ACADS: variants seen among roughly 807,000 people sequenced by gnomAD.
ACADS encodes the protein short-chain specific acyl-CoA dehydrogenase, mitochondrial.
A neutral mutation model predicts 46.8 loss-of-function variants in ACADS; 28 were observed. That is an observed-to-expected ratio of 0.60 (90% CI 0.44 to 0.82). The LOEUF (loss-of-function observed/expected upper bound fraction) is 0.82, where lower values mean the gene tolerates loss of function less well. Ranked by LOEUF, ACADS falls within the 40% of genes least tolerant of loss-of-function variation. The pLI is 0.00. For missense variants in ACADS, 528 were observed against 578.0 expected, an observed-to-expected ratio of 0.91 and a Z score of 0.89; for synonymous variants, 236 against 237.7, an observed-to-expected ratio of 0.99 and a Z score of 0.07.
chr12:120,737,171 G>T, intron 3 of ACADS, 36 bp downstream of exon 3: 1 of 1,558,114 alleles, frequency 6.4e-7, no homozygotes, highest in East Asian at 2.4e-5. Flanking sequence ...ACACACGGGT[G>T]GAGGGAGGCT....
rs1373044759 is a variant in ACADS, at chr12:120,738,843, GGCCCTGGAGAGT to G, written c.962_973del (p.Leu321_Ala324del). 3 of 1,613,560 alleles carry G rather than the reference GGCCCTGGAGAGT, an allele frequency of 1.9e-6. No homozygotes were observed. The highest frequency in any genetic ancestry group is 2.5e-6 in the Non-Finnish European group (3 of 1,179,776). On this transcript the variant is annotated inframe_deletion, in exon 8 of 10. Coordinates refer to ENST00000242592, the MANE Select transcript of ACADS (RefSeq NM_000017.4). ...AGTTCAAGTTGGCAGACATGGCCCT[GGCCCTGGAGAGT>G]GCCCGGCTGCTGACCTGGCGCGCTG...
At position 120,728,005 on chromosome 12, in the gene ACADS, T is replaced by C. The variant is rs953098816; in HGVS notation, c.210+816T>C. Among the ~76,000 whole-genome samples the C allele has an allele frequency of 6.6e-6, 1 of 152,094 alleles. No individual in the cohort carries two copies. The highest frequency in any genetic ancestry group is 1.9e-4 in the East Asian group (1 of 5,178). ...CTCTGTTGCCCAGGCTGGAGGGCAG[T>C]GGCGCAATCTCAACGCACTGCACCC... On this transcript the variant is annotated intron_variant, in intron 2 of 9. Coordinates refer to ENST00000242592, the MANE Select transcript of ACADS (RefSeq NM_000017.4). The surrounding 1 kb of genome is among the most constrained non-coding windows in gnomAD (Gnocchi z 4.0).
chr12:120,728,007 G>A lies in ACADS; in HGVS notation c.210+818G>A, dbSNP rs1883139449. The stretch of plus-strand genomic sequence containing the variant: ...CTGTTGCCCAGGCTGGAGGGCAGTG[G>A]CGCAATCTCAACGCACTGCACCCCT... On this transcript the variant is annotated intron_variant, in intron 2 of 9. Coordinates refer to ENST00000242592, the MANE Select transcript of ACADS (RefSeq NM_000017.4). The surrounding 1 kb of genome is among the most constrained non-coding windows in gnomAD (Gnocchi z 4.0). Among the ~76,000 whole-genome samples, 4 of 151,994 alleles carry A rather than the reference G, an allele frequency of 2.6e-5. No individual in the cohort carries two copies. The highest frequency in any genetic ancestry group is 6.6e-5 in the Admixed American group (1 of 15,260).
intron 2 of ACADS, among the ~76,000 whole-genome samples, chr12:120,735,069 C>T (rs919996484): frequency 6.9e-6 from 1 of 145,634 alleles, no homozygotes; most frequent in African/African-American, 2.6e-5. Context: ...GTCAGAAGTT[C>T]GAGAACAGCC....
rs1316691588 is a variant in ACADS, at chr12:120,739,709, G to T, written c.*261G>T. Reference sequence around the variant, plus strand: ...CCTGGCCTCCTGGGGGCGGGGTTGTGGGGGGGCTGAGCGACACTCAGGGAC... The same window carrying T: ...CCTGGCCTCCTGGGGGCGGGGTTGTTGGGGGGCTGAGCGACACTCAGGGAC... On this transcript the variant is annotated 3_prime_UTR_variant, in exon 10 of 10. Transcript: ENST00000242592. 1 of 543,660 alleles carries T rather than the reference G, an allele frequency of 1.8e-6. No individual in the cohort carries two copies. Among genetic ancestry groups the T allele is most frequent in the Non-Finnish European group, 3.3e-6 (1 of 302,390 alleles). 33.7% of individuals were successfully genotyped at this position (543,660 alleles called of 1,614,324 possible).
Position 120,737,867 on chromosome 12 carries a change from C to A in ACADS, c.503C>A (p.Thr168Asn), listed in dbSNP as rs769085586. The change falls in exon 5 of 10, where the codon ACC (threonine) becomes AAC (asparagine). Residue 168 changes from threonine to asparagine, a missense_variant. Thr to Asn is a moderately conservative substitution (Grantham distance 65). Coordinates refer to ENST00000242592, the MANE Select transcript of ACADS (RefSeq NM_000017.4). Reference protein sequence around the residue: ...GNGSDAGAASTTARAEGDSWV... With the variant: ...GNGSDAGAASNTARAEGDSWV... ...GGCAGTGATGCAGGAGCTGCGTCCA[C>A]CACCGCCCGGGCCGAGGGCGACTCA... The A allele has an allele frequency of 4.3e-6, 7 of 1,613,964 alleles. No homozygotes were observed. The highest frequency in any genetic ancestry group is 5.1e-6 in the Non-Finnish European group (6 of 1,179,904).
In ACADS at chr12:120,737,444, G is replaced by T. The variant is rs1057524803; in HGVS notation, c.449G>T (p.Gly150Val). 1.9e-6 allele frequency: 3 copies of T among 1,614,016 alleles called. No homozygotes were observed. The highest frequency in any genetic ancestry group is 1.7e-6 in the Non-Finnish European group (2 of 1,180,020). Reference sequence around the variant, plus strand: ...CCTTTCACCAGTGGTGACAAAATTGGCTGCTTTGCCCTCAGCGAACCAGGT... The same window carrying T: ...CCTTTCACCAGTGGTGACAAAATTGTCTGCTTTGCCCTCAGCGAACCAGGT... ...VTPFTSGDKI[G>V]CFALSEPGNG... The change falls in exon 4 of 10, where the codon GGC (glycine) becomes GTC (valine). Residue 150 changes from glycine (G) to valine (V), a missense_variant. Coordinates refer to ENST00000242592, the MANE Select transcript of ACADS (RefSeq NM_000017.4).
chr12:120,729,229 T>C (rs954442627), intron 2 of ACADS, among the ~76,000 whole-genome samples: 2 of 151,896 alleles, frequency 1.3e-5, no homozygotes, highest in Non-Finnish European at 2.9e-5. Context: ...CCCATTTTTT[T>C]CCCTTGACTG....
At position 120,737,913 on chromosome 12, in the gene ACADS, A is replaced by G; in HGVS notation, c.549A>G (p.Lys183=). The change falls in exon 5 of 10, where the codon AAA becomes AAG. Residue 183 remains lysine, a synonymous_variant. Coordinates refer to ENST00000242592, the MANE Select transcript of ACADS (RefSeq NM_000017.4). ...EGDSWVLNGT[K]AWITNAWEAS... The stretch of plus-strand genomic sequence containing the variant: ...ACTCATGGGTTCTGAATGGAACCAA[A>G]GCCTGGATCACCAATGCCTGGGAGG... The G allele has an allele frequency of 6.2e-7, 1 of 1,614,188 alleles. No individual in the cohort carries two copies. Among genetic ancestry groups the G allele is most frequent in the Admixed American group, 1.7e-5 (1 of 60,026 alleles).
At position 120,727,138 on chromosome 12, in the gene ACADS, G is replaced by A. The variant is rs147303048; in HGVS notation, c.159G>A (p.Leu53=). 6.2e-7 allele frequency: 1 copy of A among 1,614,066 alleles called. No individual in the cohort carries two copies. Among genetic ancestry groups the A allele is most frequent in the Non-Finnish European group, 8.5e-7 (1 of 1,180,004 alleles). Residue 53 remains leucine, a synonymous_variant, in exon 2 of 10, where the codon TTG becomes TTA. Transcript: ENST00000242592. ...GCCGGGACTTTGCCGAGAAGGAGTT[G>A]TTTCCCATTGCAGCCCAGGTGGATA... ...QTCRDFAEKE[L]FPIAAQVDKE... is the part of the protein sequence containing the mutation.
intron 4 of ACADS, 120 bp downstream of exon 4, chr12:120,737,587 G>T: frequency 8.8e-7 from 1 of 1,141,800 alleles, no homozygotes; most frequent in East Asian, 2.5e-5. Flanking sequence ...CGTGTGGTTG[G>T]TAGGGTGAGC....
At position 120,725,877 on chromosome 12, in the gene ACADS, C is replaced by A; in HGVS notation, c.-9C>A. 1 of 1,549,742 alleles carries A rather than the reference C, an allele frequency of 6.5e-7. No homozygotes were observed. The highest frequency in any genetic ancestry group is 1.2e-5 in the South Asian group (1 of 84,886). ...GAGGTCGCGAAGCCTGGGACTGTGT[C>A]TGTCGCCCATGGCCGCCGCGCTGCT... is the stretch of plus-strand genomic sequence containing the variant. On this transcript the variant is annotated 5_prime_UTR_variant, in exon 1 of 10. The change creates a new upstream start codon in the 5' untranslated region. Coordinates refer to ENST00000242592, the MANE Select transcript of ACADS (RefSeq NM_000017.4).
Position 120,740,002 on chromosome 12 carries a change from T to G in ACADS, c.*554T>G. On this transcript the variant is annotated 3_prime_UTR_variant, in exon 10 of 10. Coordinates refer to ENST00000242592, the MANE Select transcript of ACADS (RefSeq NM_000017.4). ...TGACTGTGGGTAATAAACACACCTG[T>G]CCCCCAGTCTGTGTCCTCGCCCTCT... The G allele has an allele frequency of 6.2e-6, 1 of 160,146 alleles. No individual in the cohort carries two copies. Among genetic ancestry groups the G allele is most frequent in the Non-Finnish European group, 1.4e-5 (1 of 72,862 alleles). 9.9% of individuals were successfully genotyped at this position (160,146 alleles called of 1,614,324 possible).
chr12:120,737,254 A>G, intron 3 of ACADS, 102 bp from the exon 4 acceptor site: 2 of 1,530,694 alleles, frequency 1.3e-6, no homozygotes, highest in Non-Finnish European at 1.8e-6. Flanking sequence ...CCTTGGTCCT[A>G]CTGGGTAGGC....
chr12:120,729,155 G>A (rs188386121), intron 2 of ACADS, among the ~76,000 whole-genome samples: 3 of 152,292 alleles, frequency 2.0e-5, no homozygotes, highest in Non-Finnish European at 2.9e-5. Flanking sequence ...TGGGACGGGC[G>A]CCTGGCTGCT....
At chr12:120,735,583 T>C (rs56232241) in intron 2 of ACADS, among the ~76,000 whole-genome samples, 5,115 of 152,074 alleles carry the variant, frequency 0.034, 121 homozygotes, top group Admixed American at 0.064. Context: ...TTCTTATTAG[T>C]TTATGTAAGT....
intron 2 of ACADS, among the ~76,000 whole-genome samples, chr12:120,733,548 TGGTG>T (rs1883336913): frequency 2.2e-4 from 1 of 4,574 alleles, no homozygotes; most frequent in Non-Finnish European, 3.6e-4. Flanking sequence ...CCTGCTGAAA[TGGTG>T]CCTGCTGAAA....
In ACADS at chr12:120,737,455, C is replaced by G; in HGVS notation, c.460C>G (p.Leu154Val). ...TGGTGACAAAATTGGCTGCTTTGCCCTCAGCGAACCAGGTACCTGCCCTGT... is the reference window on the plus strand; with the variant it reads ...TGGTGACAAAATTGGCTGCTTTGCCGTCAGCGAACCAGGTACCTGCCCTGT... ...TSGDKIGCFALSEPGNGSDAG... is the reference protein window; with the variant it reads ...TSGDKIGCFAVSEPGNGSDAG... Residue 154 changes from leucine (L) to valine (V), a missense_variant, in exon 4 of 10, where the codon CTC becomes GTC. Coordinates refer to ENST00000242592, the MANE Select transcript of ACADS (RefSeq NM_000017.4). 6.2e-7 allele frequency: 1 copy of G among 1,613,946 alleles called. No homozygotes were observed. The highest frequency in any genetic ancestry group is 1.6e-4 in the Middle Eastern group (1 of 6,062).
chr12:120,726,144 T>C (rs574135343), intron 1 of ACADS, among the ~76,000 whole-genome samples: 2 of 151,196 alleles, frequency 1.3e-5, no homozygotes, highest in East Asian at 2.0e-4. Flanking sequence ...TACCCCCCGA[T>C]TGACCCCAGC....
Sources: allele counts gnomAD v4.1 joint callset (sites outside exome capture counted in the v4.1 genomes callset), GRCh38; gene constraint gnomAD v4.1.1; non-coding constraint Gnocchi (gnomAD v3.1); transcripts MANE v1.5; gene names NCBI Gene and HGNC (gene_info 2026-07-23, HGNC 2026-07-21).